The following NRG1 variants were observed in gnomAD, a reference collection of about 807,000 sequenced individuals.
NRG1 encodes pro-neuregulin-1, membrane-bound isoform.
Under a neutral mutation model 63.8 loss-of-function variants are expected in NRG1, and 18 were observed. That is an observed-to-expected ratio of 0.28 (90% CI 0.19 to 0.42). The LOEUF (loss-of-function observed/expected upper bound fraction) is 0.42, where lower values mean the gene tolerates loss of function less well. Ranked by LOEUF, NRG1 falls within the 10% of genes least tolerant of loss-of-function variation. NRG1 has a pLI of 1.00. For missense variants in NRG1, 762 were observed against 814.7 expected, an observed-to-expected ratio of 0.94 and a Z score of 0.79; for synonymous variants, 302 against 301.3, an observed-to-expected ratio of 1.00 and a Z score of -0.02.
At chr8:32,107,185 G>A (rs1399527417) in intron 1 of NRG1, among the ~76,000 whole-genome samples, 2 of 151,684 alleles carry the variant, frequency 1.3e-5, no homozygotes, top group Non-Finnish European at 2.9e-5. Context: ...GCAGTGAGCC[G>A]AGATTGCGCA....
chr8:31,821,980 T>C (rs992071134), intron 1 of NRG1, among the ~76,000 whole-genome samples: 2 of 152,202 alleles, frequency 1.3e-5, no homozygotes, highest in Non-Finnish European at 2.9e-5. Context: ...TCTTTATACA[T>C]ACACAATATA....
intron 1 of NRG1, among the ~76,000 whole-genome samples, chr8:31,952,747 A>G (rs558340785): frequency 2.6e-5 from 4 of 152,222 alleles, no homozygotes; most frequent in Non-Finnish European, 5.9e-5. Flanking sequence ...CCCTTGTCAA[A>G]CACTTGACCC....
intron 1 of NRG1, among the ~76,000 whole-genome samples, chr8:31,732,989 G>T (rs574289556): frequency 1.2e-3 from 177 of 152,112 alleles, no homozygotes; most frequent in African/African-American, 3.7e-3. Context: ...AGTTTCTATT[G>T]TCTATCTTTT....
At chr8:31,902,313 T>C (rs1832151619) in intron 1 of NRG1, among the ~76,000 whole-genome samples, 1 of 152,068 alleles carries the variant, frequency 6.6e-6, no homozygotes, top group African/African-American at 2.4e-5. Context: ...CTTAGGAGGG[T>C]CTTTCCAGGA....
intron 1 of NRG1, among the ~76,000 whole-genome samples, chr8:32,390,056 A>C (rs1255040884): frequency 1.3e-5 from 2 of 151,986 alleles, no homozygotes; most frequent in East Asian, 3.9e-4. Context: ...CACTACACCC[A>C]GCTCTTTCAG....
intron 1 of NRG1, among the ~76,000 whole-genome samples, chr8:32,332,294 T>C (rs549294785): frequency 6.6e-6 from 1 of 152,242 alleles, no homozygotes; most frequent in Non-Finnish European, 1.5e-5. Context: ...GACATTGGTT[T>C]CTCCTCCTTT....
At chr8:32,649,761 A>G (rs1854592906) in intron 5 of NRG1, among the ~76,000 whole-genome samples, 1 of 152,228 alleles carries the variant, frequency 6.6e-6, no homozygotes, top group Non-Finnish European at 1.5e-5. Flanking sequence ...AACCTCCTTC[A>G]TGCAGACGCT....
intron 1 of NRG1, among the ~76,000 whole-genome samples, chr8:32,074,385 C>A (rs1316819538): frequency 6.6e-6 from 1 of 152,148 alleles, no homozygotes; most frequent in Non-Finnish European, 1.5e-5. Context: ...GCTTGAGCCT[C>A]ATATTTAAAT....
intron 5 of NRG1, among the ~76,000 whole-genome samples, chr8:32,625,795 CTTT>C (rs1457757802): frequency 1.0e-5 from 1 of 98,546 alleles, no homozygotes; most frequent in Admixed American, 1.0e-4. Flanking sequence ...TTTCTTTTTT[CTTT>C]TTTTTTTTTT....
chr8:31,852,985 C>A (rs1400167503), intron 1 of NRG1, among the ~76,000 whole-genome samples: 4 of 151,290 alleles, frequency 2.6e-5, no homozygotes, highest in African/African-American at 9.7e-5. Flanking sequence ...TGTTTTGGTA[C>A]CAGTACCATG....
At chr8:31,752,509 A>C (rs1245179120) in intron 1 of NRG1, among the ~76,000 whole-genome samples, 1 of 152,068 alleles carries the variant, frequency 6.6e-6, no homozygotes, top group African/African-American at 2.4e-5. Flanking sequence ...GCTAGTATTT[A>C]TTTAACATCC....
In NRG1 at chr8:32,202,805, C is replaced by T. The variant is rs186554681; in HGVS notation, c.38-393023C>T. 6.0e-5 allele frequency among the ~76,000 whole-genome samples: 9 copies of T among 151,236 alleles called. No individual in the cohort carries two copies. In the East Asian group the frequency reaches 1.8e-3, roughly 30 times the overall value. On this transcript the variant is annotated intron_variant, in intron 1 of 10. Transcript: ENST00000519301. Reference sequence around the variant, plus strand: ...TCCTCTGCTGCACTGCTCTGCTGCTCTGCCACTCTTCTGCTTGTGGAGCCT... The same window carrying T: ...TCCTCTGCTGCACTGCTCTGCTGCTTTGCCACTCTTCTGCTTGTGGAGCCT...
intron 7 of NRG1, among the ~76,000 whole-genome samples, chr8:32,744,831 A>G (rs58121718): frequency 0.17 from 26,327 of 152,062 alleles, 2,716 homozygotes; most frequent in East Asian, 0.37. Flanking sequence ...CTTTTAGACC[A>G]TTTGCTTTTT....
intron 6 of NRG1, among the ~76,000 whole-genome samples, chr8:32,729,624 G>A (rs191208969): frequency 3.3e-4 from 51 of 152,284 alleles, no homozygotes; most frequent in Admixed American, 5.2e-4. Context: ...AATGAAAAAG[G>A]CACCAGAAAT....
intron 1 of NRG1, among the ~76,000 whole-genome samples, chr8:31,888,132 A>G (rs1461927543): frequency 6.6e-6 from 1 of 151,898 alleles, no homozygotes; most frequent in Non-Finnish European, 1.5e-5. Flanking sequence ...ACATGTGTTT[A>G]TTATATGTGT....
At chr8:32,762,262 T>C (rs1408741359) in intron 11 of NRG1, among the ~76,000 whole-genome samples, 1 of 152,106 alleles carries the variant, frequency 6.6e-6, no homozygotes, top group African/African-American at 2.4e-5. Flanking sequence ...TCCATTCTGT[T>C]TCAATCGTTT....
intron 1 of NRG1, among the ~76,000 whole-genome samples, chr8:31,876,668 C>T (rs1340641407): frequency 6.6e-6 from 1 of 152,024 alleles, no homozygotes; most frequent in Non-Finnish European, 1.5e-5. Context: ...ATAAATATTG[C>T]TTGGGAGGCT....
At chr8:32,424,543 G>A (rs1817106216) in intron 1 of NRG1, among the ~76,000 whole-genome samples, 1 of 152,170 alleles carries the variant, frequency 6.6e-6, no homozygotes, top group East Asian at 1.9e-4. Context: ...TCTGGTTTAA[G>A]TTCCAGATCT....
chr8:31,709,290 A>G (rs981043850), intron 1 of NRG1, among the ~76,000 whole-genome samples: 2 of 151,910 alleles, frequency 1.3e-5, no homozygotes, highest in Non-Finnish European at 2.9e-5. Flanking sequence ...AATTATATTA[A>G]TGGTTTTACA....
Sources: gnomAD v4.1 joint callset for allele counts (sites outside exome capture counted in the v4.1 genomes callset) on GRCh38, gnomAD v4.1.1 for gene constraint, MANE v1.5 for transcripts, NCBI Gene and HGNC (gene_info 2026-07-23, HGNC 2026-07-21) for gene names.